The following NXPH1 variants were observed in gnomAD, a reference collection of about 807,000 sequenced individuals.
NXPH1 encodes neurexophilin 1.
A neutral mutation model predicts 23.7 loss-of-function variants in NXPH1; 5 were observed. The ratio of observed to expected loss-of-function variants is 0.21; its 90% confidence interval spans 0.11 to 0.44. The LOEUF (loss-of-function observed/expected upper bound fraction) is 0.44, where lower values mean the gene tolerates loss of function less well. NXPH1 is among the 20% of genes least tolerant of loss of function. NXPH1 has a pLI of 0.99. For synonymous variants in NXPH1, 144 were observed against 122.2 expected (o/e 1.18, Z -1.18); for missense variants, 324 against 321.6 (o/e 1.01, Z -0.06).
chr7:8,517,864 G>A (rs774684667), intron 2 of NXPH1, among the ~76,000 whole-genome samples: 1 of 152,158 alleles, frequency 6.6e-6, no homozygotes, highest in Admixed American at 6.6e-5. Flanking sequence ...CTGAAGAACC[G>A]TTAGGAGTGA....
intron 2 of NXPH1, among the ~76,000 whole-genome samples, chr7:8,649,926 A>G (rs997393479): frequency 2.6e-5 from 4 of 152,164 alleles, no homozygotes; most frequent in African/African-American, 9.7e-5. Flanking sequence ...TATCCTCTAT[A>G]TAGGTAAAGA....
chr7:8,677,346 G>A (rs1274932924), intron 2 of NXPH1, among the ~76,000 whole-genome samples: 1 of 152,214 alleles, frequency 6.6e-6, no homozygotes, highest in African/African-American at 2.4e-5. Flanking sequence ...TTAAGTAGAA[G>A]GTTGTCAGAA....
rs528172496 is a variant in NXPH1, at chr7:8,473,717, G to A, written c.54+37950G>A. ...AGGCAGTACACAGTGATTTGAGGTA[G>A]ACATCAGAATGCTGTGTGTGTTTTT... On this transcript the variant is annotated intron_variant, in intron 2 of 2. Transcript: ENST00000405863. Among the ~76,000 whole-genome samples the A allele has an allele frequency of 7.5e-4, 113 of 150,134 alleles. 1 individual carries two copies. The South Asian group carries it at 0.016, about 22-fold the overall frequency.
At chr7:8,488,130 T>G (rs1052266535) in intron 2 of NXPH1, among the ~76,000 whole-genome samples, 1 of 152,152 alleles carries the variant, frequency 6.6e-6, no homozygotes, top group Admixed American at 6.6e-5. Flanking sequence ...GATAACAATA[T>G]CTAACTTATA....
At chr7:8,561,839 G>T (rs188122734) in intron 2 of NXPH1, among the ~76,000 whole-genome samples, 1 of 151,536 alleles carries the variant, frequency 6.6e-6, no homozygotes, top group South Asian at 2.1e-4. Context: ...GCAGAAAGTC[G>T]GCAAACAATG....
chr7:8,443,816 CG>C (rs1345929002), intron 2 of NXPH1, among the ~76,000 whole-genome samples: 1 of 152,078 alleles, frequency 6.6e-6, no homozygotes, highest in Non-Finnish European at 1.5e-5. Context: ...GATGGAGCGG[CG>C]GGGGGGAGTT....
At chr7:8,690,995 C>G (rs1051888611) in intron 2 of NXPH1, among the ~76,000 whole-genome samples, 2 of 152,038 alleles carry the variant, frequency 1.3e-5, no homozygotes, top group Admixed American at 1.3e-4. Context: ...TGAAGACTTC[C>G]TTTTAGTTAA....
intron 2 of NXPH1, among the ~76,000 whole-genome samples, chr7:8,472,051 GCCATTATTTCATATC>G (rs1816880611): frequency 6.6e-6 from 1 of 151,708 alleles, no homozygotes; most frequent in Non-Finnish European, 1.5e-5. Context: ...GTAGCAATAA[GCCATTATTTCATATC>G]CCAAACACAG....
At chr7:8,584,993 G>A (rs1818953311) in intron 2 of NXPH1, among the ~76,000 whole-genome samples, 1 of 152,040 alleles carries the variant, frequency 6.6e-6, no homozygotes, top group Non-Finnish European at 1.5e-5. Flanking sequence ...CCTCTCTACA[G>A]TTTAAAAAAA....
intron 2 of NXPH1, among the ~76,000 whole-genome samples, chr7:8,573,817 A>G (rs1248846248): frequency 2.0e-5 from 3 of 152,148 alleles, no homozygotes; most frequent in Non-Finnish European, 4.4e-5. Context: ...CTGGAAATAA[A>G]CTATGCCATT....
intron 2 of NXPH1, among the ~76,000 whole-genome samples, chr7:8,681,901 C>T (rs1262189810): frequency 6.6e-6 from 1 of 152,248 alleles, no homozygotes; most frequent in East Asian, 1.9e-4. Context: ...TCATTTACTG[C>T]AGTGAAACTG....
At chr7:8,676,220 G>A (rs1225649961) in intron 2 of NXPH1, among the ~76,000 whole-genome samples, 1 of 152,192 alleles carries the variant, frequency 6.6e-6, no homozygotes, top group Non-Finnish European at 1.5e-5. Context: ...CGTCTAAGAT[G>A]TGTGTTATCC....
At chr7:8,682,624 A>T (rs1374835730) in intron 2 of NXPH1, among the ~76,000 whole-genome samples, 1 of 152,204 alleles carries the variant, frequency 6.6e-6, no homozygotes, top group African/African-American at 2.4e-5. Flanking sequence ...CAACATACAG[A>T]TATAAAATTG....
intron 2 of NXPH1, among the ~76,000 whole-genome samples, chr7:8,607,102 C>A (rs1819511059): frequency 6.6e-6 from 1 of 151,874 alleles, no homozygotes. Flanking sequence ...ATCCTGGGAC[C>A]AATACAGTTT....
chr7:8,628,840 G>A (rs537537196), intron 2 of NXPH1, among the ~76,000 whole-genome samples: 18 of 151,546 alleles, frequency 1.2e-4, no homozygotes, highest in Non-Finnish European at 2.1e-4. Flanking sequence ...AGTTGTTCTC[G>A]TCCGAGGTTA....
chr7:8,520,581 A>G (rs1004977086), intron 2 of NXPH1, among the ~76,000 whole-genome samples: 9 of 152,160 alleles, frequency 5.9e-5, no homozygotes, highest in Admixed American at 2.0e-4. Flanking sequence ...ATGAATGAAC[A>G]TCATCTAATT....
At chr7:8,727,495 A>G (rs1780076814) in intron 2 of NXPH1, among the ~76,000 whole-genome samples, 1 of 150,272 alleles carries the variant, frequency 6.7e-6, no homozygotes, top group South Asian at 2.1e-4. Context: ...TCTTTAATCC[A>G]TCTTGAATTG....
At chr7:8,697,439 A>G (rs1297123105) in intron 2 of NXPH1, among the ~76,000 whole-genome samples, 1 of 152,178 alleles carries the variant, frequency 6.6e-6, no homozygotes, top group Non-Finnish European at 1.5e-5. Flanking sequence ...CTCAGACTGC[A>G]ATAGTAGCCA....
chr7:8,560,001 T>C (rs76704630), intron 2 of NXPH1, among the ~76,000 whole-genome samples: 2 of 151,802 alleles, frequency 1.3e-5, no homozygotes, highest in South Asian at 4.1e-4. Flanking sequence ...GGTAGAGCCA[T>C]GCATTTGCCG....
Sources: allele counts gnomAD v4.1 joint callset (sites outside exome capture counted in the v4.1 genomes callset), GRCh38; gene constraint gnomAD v4.1.1; transcripts MANE v1.5; gene names NCBI Gene and HGNC (gene_info 2026-07-23, HGNC 2026-07-21).